CEMIP: variants seen among roughly 807,000 people sequenced by gnomAD.
CEMIP encodes cell migration-inducing and hyaluronan-binding protein.
In CEMIP, 105 loss-of-function variants were observed where a neutral mutation model predicts 156.9. The ratio of observed to expected loss-of-function variants is 0.67; its 90% CI spans 0.57 to 0.79. The LOEUF (loss-of-function observed/expected upper bound fraction) is 0.79. CEMIP is among the 30% of genes least tolerant of loss of function. The probability of loss-of-function intolerance (pLI) is 0.00; values close to 1 mark genes in which losing one functional copy is unlikely to be tolerated. For missense variants in CEMIP, 1,457 were observed against 1,769.4 expected, an observed-to-expected ratio of 0.82 and a Z score of 3.17; for synonymous variants, 676 against 668.4, an observed-to-expected ratio of 1.01 and a Z score of -0.17.
chr15:80,950,116 G>A lies in CEMIP; in HGVS notation c.*1192G>A, dbSNP rs1204396021. 5 of 152,262 alleles carry A rather than the reference G, an allele frequency of 3.3e-5. No homozygotes were observed. The highest frequency in any genetic ancestry group is 7.3e-5 in the Non-Finnish European group (5 of 68,078). The allele number at this position is 152,262 out of a possible 1,614,324, so 9.4% of individuals were successfully genotyped here. On this transcript the variant is annotated 3_prime_UTR_variant, in exon 30 of 30. Coordinates refer to ENST00000394685, the MANE Select transcript of CEMIP (RefSeq NM_001293298.2). ...TAGGGCCTCATTTGCTCTTCATCCA[G>A]GGAACTGAGCACAGGGGGCCTCCAG... is the stretch of plus-strand genomic sequence containing the variant.
rs925010852 is a variant in CEMIP, at chr15:80,809,823, A to G, written c.-176+30209A>G. Among the ~76,000 whole-genome samples the G allele has an allele frequency of 2.6e-5, 4 of 152,184 alleles. 1 individual carries two copies. Among genetic ancestry groups the G allele is most frequent in the South Asian group, 4.1e-4 (2 of 4,834 alleles). ...ACTGAGGCCAGCTGTACTTCTTGCC[A>G]TGTGTTCCCCTCTGTCTTCAAGCCA... On this transcript the variant is annotated intron_variant, in intron 1 of 29. Transcript: ENST00000394685.
At chr15:80,905,804 A>G (rs1899776204) in intron 12 of CEMIP, among the ~76,000 whole-genome samples, 1 of 152,146 alleles carries the variant, frequency 6.6e-6, no homozygotes, top group Admixed American at 6.5e-5. Flanking sequence ...GGATATGGAA[A>G]GGGGTAAGAC....
chr15:80,908,421 G>A (rs1899896674), intron 13 of CEMIP, among the ~76,000 whole-genome samples: 1 of 152,212 alleles, frequency 6.6e-6, no homozygotes, highest in Admixed American at 6.5e-5. Flanking sequence ...GAGGTTAGCT[G>A]AGCCTGACTT....
At chr15:80,845,376 A>G (rs1180469880) in intron 1 of CEMIP, among the ~76,000 whole-genome samples, 1 of 152,166 alleles carries the variant, frequency 6.6e-6, no homozygotes, top group Non-Finnish European at 1.5e-5. Flanking sequence ...GGCTGCAGTG[A>G]GCAGTGATCA....
At chr15:80,842,773 C>T (rs1463920044) in intron 1 of CEMIP, among the ~76,000 whole-genome samples, 2 of 151,740 alleles carry the variant, frequency 1.3e-5, no homozygotes, top group Non-Finnish European at 2.9e-5. Flanking sequence ...TGTGGAGGGG[C>T]CTGGAGTGCA....
At chr15:80,900,981 TG>T (rs1567091286) in intron 12 of CEMIP, 1 of 455,706 alleles carries the variant, frequency 2.2e-6, no homozygotes, top group Non-Finnish European at 4.4e-6. Flanking sequence ...GGGAAACAGA[TG>T]GGGGTAACAT....
At chr15:80,917,985 A>G (rs1900333966) in intron 14 of CEMIP, among the ~76,000 whole-genome samples, 1 of 152,208 alleles carries the variant, frequency 6.6e-6, no homozygotes, top group Non-Finnish European at 1.5e-5. Flanking sequence ...GTCATATGAA[A>G]GACCCTGGGC....
intron 12 of CEMIP, chr15:80,897,179 A>G (rs1291550483): frequency 4.5e-6 from 2 of 443,298 alleles, no homozygotes; most frequent in Admixed American, 2.4e-5. Context: ...ACAGGACCAT[A>G]CCACCTGGAG....
At chr15:80,858,888 G>A (rs764895173) in intron 1 of CEMIP, among the ~76,000 whole-genome samples, 4 of 152,246 alleles carry the variant, frequency 2.6e-5, no homozygotes, top group Non-Finnish European at 5.9e-5. Context: ...AGGGATAGTA[G>A]TAGCTTCAGG....
Position 80,900,638 on chromosome 15 carries a change from G to GTGTC in CEMIP, c.1411+4581_1411+4582insCTGT, listed in dbSNP as rs1899466705. On this transcript the variant is annotated intron_variant, in intron 12 of 29. Coordinates refer to ENST00000394685, the MANE Select transcript of CEMIP (RefSeq NM_001293298.2). ...TGTGTGTGTGTGTGTGTGTGTGTGT[G>GTGTC]TGTGTGTGTGTCTGTGTGTGTGTCT... is the stretch of plus-strand genomic sequence containing the variant. Among the ~76,000 whole-genome samples, 642 of 101,840 alleles carry GTGTC rather than the reference G, an allele frequency of 6.3e-3. 1 individual carries two copies. Among genetic ancestry groups the GTGTC allele is most frequent in the Admixed American group, 0.014 (124 of 8,722 alleles). The allele number at this position is 101,840 out of a possible 152,430, so 66.8% of individuals were successfully genotyped here. A position where few individuals can be genotyped will look rare whatever the true frequency, so the allele number is the denominator to read the frequency against.
Position 80,921,431 on chromosome 15 carries a change from A to G in CEMIP, c.2073+330A>G, listed in dbSNP as rs1427642689. ...CCTGACACATCAGTGTTGTAAGCTC[A>G]CATAATTTGATTTTTGTAAGAACCC... On this transcript the variant is annotated intron_variant, in intron 16 of 29. Coordinates refer to ENST00000394685, the MANE Select transcript of CEMIP (RefSeq NM_001293298.2). 2.6e-5 allele frequency among the ~76,000 whole-genome samples: 4 copies of G among 152,216 alleles called. No homozygotes were observed. In the East Asian group the frequency reaches 7.7e-4, roughly 29 times the overall value.
chr15:80,781,959 C>T (rs1895809565), intron 1 of CEMIP, among the ~76,000 whole-genome samples: 1 of 152,146 alleles, frequency 6.6e-6, no homozygotes. Context: ...ACTCCATCTT[C>T]ACTTTATTTT....
At chr15:80,806,466 T>C (rs1054130800) in intron 1 of CEMIP, among the ~76,000 whole-genome samples, 1 of 152,158 alleles carries the variant, frequency 6.6e-6, no homozygotes, top group Non-Finnish European at 1.5e-5. Context: ...CCTTGCAATA[T>C]GGGATGACCC....
At chr15:80,834,036 T>C (rs1897215799) in intron 1 of CEMIP, among the ~76,000 whole-genome samples, 1 of 152,310 alleles carries the variant, frequency 6.6e-6, no homozygotes, top group South Asian at 2.1e-4. Context: ...CTGTGCATTG[T>C]AGGGTGTTTA....
At chr15:80,913,396 G>C (rs929665573) in intron 14 of CEMIP, among the ~76,000 whole-genome samples, 3 of 152,220 alleles carry the variant, frequency 2.0e-5, no homozygotes, top group Non-Finnish European at 4.4e-5. Context: ...ACCCACTGCT[G>C]TCTCTCCTGC....
At position 80,932,913 on chromosome 15, in the gene CEMIP, C is replaced by T. The variant is rs67662693; in HGVS notation, c.2794-332C>T. 0.23 allele frequency among the ~76,000 whole-genome samples: 35,229 copies of T among 152,110 alleles called. 4,298 individuals are homozygous for T. Among genetic ancestry groups the T allele is most frequent in the Non-Finnish European group, 0.27 (18,521 of 67,974 alleles). ...CACCTCCCTCTCACACACAGTCACA[C>T]TCACAGTCCTCAGTCCCCCTCCTCC... On this transcript the variant is annotated intron_variant, in intron 22 of 29. Transcript: ENST00000394685. The surrounding 1 kb of genome is among the most constrained non-coding windows in gnomAD (Gnocchi z 4.5).
intron 5 of CEMIP, 150 bp downstream of exon 5, chr15:80,880,004 C>A: frequency 3.3e-6 from 3 of 919,952 alleles, no homozygotes; most frequent in Non-Finnish European, 5.1e-6. Flanking sequence ...ACAAGACAGA[C>A]ATGGTGATTT....
chr15:80,885,012 A>C (rs928038818), intron 7 of CEMIP, among the ~76,000 whole-genome samples: 4 of 152,130 alleles, frequency 2.6e-5, no homozygotes, highest in South Asian at 4.1e-4. Flanking sequence ...CTATCAACCT[A>C]TCACCCCGGT....
intron 1 of CEMIP, among the ~76,000 whole-genome samples, chr15:80,872,787 C>T (rs1204079754): frequency 6.6e-6 from 1 of 152,152 alleles, no homozygotes; most frequent in Non-Finnish European, 1.5e-5. Flanking sequence ...TACACTCTAG[C>T]CTGGTGACAG....
Sources: allele counts gnomAD v4.1 joint callset (sites outside exome capture counted in the v4.1 genomes callset), GRCh38; gene constraint gnomAD v4.1.1; non-coding constraint Gnocchi (gnomAD v3.1); transcripts MANE v1.5; gene names NCBI Gene and HGNC (gene_info 2026-07-23, HGNC 2026-07-21).